The following MGMT variants were observed in gnomAD, a reference collection of about 807,000 sequenced individuals.
MGMT encodes the protein O-6-methylguanine-DNA methyltransferase.
A neutral mutation model predicts 15.9 loss-of-function variants in MGMT; 14 were observed. That is an observed-to-expected ratio of 0.88 (90% CI 0.58 to 1.37). MGMT has a LOEUF of 1.37. Among genes scored for constraint, MGMT ranks in the 40% most tolerant of loss-of-function variants. MGMT has a pLI of 0.00. For synonymous variants in MGMT, 130 were observed against 118.2 expected (o/e 1.10, Z -0.65); for missense variants, 282 against 268.1 (o/e 1.05, Z -0.36).
At chr10:129,711,540 G>C (rs1589951825) in intron 3 of MGMT, among the ~76,000 whole-genome samples, 1 of 152,324 alleles carries the variant, frequency 6.6e-6, no homozygotes, top group East Asian at 1.9e-4. Context: ...TAAGAGGAAA[G>C]CTGAGCTGTC....
intron 4 of MGMT, among the ~76,000 whole-genome samples, chr10:129,763,889 A>G (rs959800770): frequency 1.3e-5 from 2 of 152,186 alleles, no homozygotes. Context: ...AGTAAACTCA[A>G]TGTTAAAAAC....
chr10:129,580,219 G>T (rs923555992), intron 2 of MGMT, among the ~76,000 whole-genome samples: 1 of 152,224 alleles, frequency 6.6e-6, no homozygotes, highest in Non-Finnish European at 1.5e-5. Flanking sequence ...CTGTGCCCGG[G>T]GGGGCGGGAC....
chr10:129,671,456 T>G (rs908331780), intron 2 of MGMT, among the ~76,000 whole-genome samples: 2 of 152,040 alleles, frequency 1.3e-5, no homozygotes, highest in African/African-American at 4.8e-5. Context: ...AATAAGTATT[T>G]GTCAACACAG....
intron 2 of MGMT, among the ~76,000 whole-genome samples, chr10:129,650,031 G>C (rs1847438713): frequency 6.6e-6 from 1 of 152,296 alleles, no homozygotes; most frequent in Admixed American, 6.5e-5. Context: ...GGTCTCACTT[G>C]AGAAATATTT....
intron 3 of MGMT, among the ~76,000 whole-genome samples, chr10:129,747,606 A>G (rs1848709030): frequency 1.3e-5 from 2 of 152,346 alleles, no homozygotes; most frequent in South Asian, 4.1e-4. Context: ...TATTATGATG[A>G]CATTTACACT....
chr10:129,526,085 G>T (rs1310515013), intron 1 of MGMT, among the ~76,000 whole-genome samples: 2 of 152,172 alleles, frequency 1.3e-5, no homozygotes, highest in Non-Finnish European at 2.9e-5. Flanking sequence ...CCGAATCCAC[G>T]GGGAGACCCC....
At chr10:129,617,846 A>G (rs1313600150) in intron 2 of MGMT, among the ~76,000 whole-genome samples, 1 of 151,776 alleles carries the variant, frequency 6.6e-6, no homozygotes, top group East Asian at 1.9e-4. Flanking sequence ...CCTTTGGGGG[A>G]TGCATAGTCT....
At chr10:129,658,735 C>T (rs1441700387) in intron 2 of MGMT, among the ~76,000 whole-genome samples, 2 of 152,224 alleles carry the variant, frequency 1.3e-5, no homozygotes, top group Non-Finnish European at 2.9e-5. Context: ...ATTTCTGTGT[C>T]ATAATGTATT....
In MGMT at chr10:129,759,462, G is replaced by T. The variant is rs915586221; in HGVS notation, c.414+121G>T. The T allele has an allele frequency of 2.1e-6, 3 of 1,420,098 alleles. No individual in the cohort carries two copies. The African/African-American group carries it at 4.2e-5, about 20-fold the overall frequency. 88.0% of individuals were successfully genotyped at this position (1,420,098 alleles called of 1,614,324 possible). ...GTGCTGCTGGGGTGGGCAGAGGGGC[G>T]ATATCTGTGATGGGGACCATTATGC... On this transcript the variant is annotated intron_variant, in intron 4 of 4. Transcript: ENST00000651593.
chr10:129,663,014 A>G (rs755582815), intron 2 of MGMT, among the ~76,000 whole-genome samples: 1 of 152,238 alleles, frequency 6.6e-6, no homozygotes, highest in Non-Finnish European at 1.5e-5. Flanking sequence ...GCCACAAGTA[A>G]GGAATGATAC....
chr10:129,471,894 G>C (rs970860317), intron 1 of MGMT, among the ~76,000 whole-genome samples: 1 of 152,148 alleles, frequency 6.6e-6, no homozygotes, highest in Non-Finnish European at 1.5e-5. Flanking sequence ...GTCTGAGTAC[G>C]GTTTTGTAAC....
chr10:129,695,463 G>A (rs1021489923), intron 2 of MGMT, among the ~76,000 whole-genome samples: 2 of 152,204 alleles, frequency 1.3e-5, no homozygotes, highest in Non-Finnish European at 2.9e-5. Flanking sequence ...CGAGCCCCGT[G>A]GAGGTCAATC....
chr10:129,577,423 G>A (rs898703671), intron 2 of MGMT, among the ~76,000 whole-genome samples: 2 of 152,118 alleles, frequency 1.3e-5, no homozygotes, highest in African/African-American at 4.8e-5. Context: ...CTGACAAAAA[G>A]AAGAAATGGG....
At chr10:129,479,533 G>A (rs1845332384) in intron 1 of MGMT, among the ~76,000 whole-genome samples, 1 of 152,118 alleles carries the variant, frequency 6.6e-6, no homozygotes, top group Admixed American at 6.5e-5. Context: ...GTTCTCGAGT[G>A]GATCCTTATG....
intron 2 of MGMT, among the ~76,000 whole-genome samples, chr10:129,563,090 T>G (rs1448281772): frequency 6.6e-6 from 1 of 152,212 alleles, no homozygotes; most frequent in African/African-American, 2.4e-5. Flanking sequence ...ATTCAAGTGT[T>G]GTGAGCACGT....
intron 2 of MGMT, among the ~76,000 whole-genome samples, chr10:129,599,288 A>G (rs1384912928): frequency 6.6e-6 from 1 of 152,242 alleles, no homozygotes; most frequent in Non-Finnish European, 1.5e-5. Flanking sequence ...GTTATAGTTC[A>G]TGAGGTACAG....
At chr10:129,681,384 C>A (rs1321160027) in intron 2 of MGMT, among the ~76,000 whole-genome samples, 1 of 152,172 alleles carries the variant, frequency 6.6e-6, no homozygotes, top group Non-Finnish European at 1.5e-5. Context: ...CCTGTGGGGA[C>A]GCCCATGGTC....
chr10:129,735,253 A>C (rs966601394), intron 3 of MGMT, among the ~76,000 whole-genome samples: 1 of 152,172 alleles, frequency 6.6e-6, no homozygotes, highest in African/African-American at 2.4e-5. Context: ...TTATTGGTCT[A>C]TTCAGAGATT....
intron 2 of MGMT, among the ~76,000 whole-genome samples, chr10:129,601,086 ATT>A (rs113444809): frequency 1.5e-4 from 21 of 143,200 alleles, no homozygotes; most frequent in African/African-American, 1.5e-4. Context: ...ATCTGAAAGC[ATT>A]TTTTTTTTTT....
Sources: allele counts gnomAD v4.1 joint callset (sites outside exome capture counted in the v4.1 genomes callset), GRCh38; gene constraint gnomAD v4.1.1; transcripts MANE v1.5; gene names NCBI Gene and HGNC (gene_info 2026-07-23, HGNC 2026-07-21).